The following HPS1 variants were observed in gnomAD, a reference collection of about 807,000 sequenced individuals.
HPS1 encodes the protein HPS1 biogenesis of lysosomal organelles complex 3 subunit 1, also known as BLOC-3 complex member HPS1.
HPS1 carries 59 observed loss-of-function variants against 90.6 expected under a neutral mutation model. That is an observed-to-expected ratio of 0.65 (90% confidence interval 0.53 to 0.81). The LOEUF (loss-of-function observed/expected upper bound fraction) is 0.81, where lower values mean the gene tolerates loss of function less well. Ranked by LOEUF, HPS1 falls within the 30% of genes least tolerant of loss-of-function variation. The probability of loss-of-function intolerance (pLI) is 0.00; values close to 1 mark genes in which losing one functional copy is unlikely to be tolerated. For synonymous variants in HPS1, 388 were observed against 384.4 expected (o/e 1.01, Z -0.11); for missense variants, 849 against 896.7 (o/e 0.95, Z 0.68).
intron 3 of HPS1, among the ~76,000 whole-genome samples, chr10:98,442,003 G>A (rs1938517307): frequency 6.6e-6 from 1 of 152,190 alleles, no homozygotes; most frequent in African/African-American, 2.4e-5. Flanking sequence ...AAGCATCCAT[G>A]TATACATAGA....
At position 98,435,759 on chromosome 10, in the gene HPS1, T is replaced by C. The variant is rs750384946; in HGVS notation, c.131A>G (p.Glu44Gly). ...ENEEEELPAL[E>G]DQLSTLLAPV... ...GGCTAGGAGGGTGCTGAGCTGGTCC[T>C]CCAGGGCAGGGAGCTGCAAAAATGG... Residue 44 changes from glutamate to glycine, a missense_variant, in exon 4 of 20, where the codon GAG (glutamate) becomes GGG (glycine). Transcript: ENST00000361490. This position sits in a 1 kb window ranked among gnomAD's most constrained non-coding sequence, Gnocchi z 4.3. The C allele has an allele frequency of 6.2e-7, 1 of 1,614,156 alleles. No individual in the cohort carries two copies. Among genetic ancestry groups the C allele is most frequent in the South Asian group, 1.1e-5 (1 of 91,076 alleles).
chr10:98,424,619 C>T (rs1368159277), intron 13 of HPS1, among the ~76,000 whole-genome samples: 1 of 152,098 alleles, frequency 6.6e-6, no homozygotes, highest in Non-Finnish European at 1.5e-5. Context: ...CTGACGGGCA[C>T]AGGCACACAT....
intron 17 of HPS1, 187 bp from the exon 18 acceptor site, chr10:98,420,345 C>CT: frequency 1.6e-6 from 1 of 625,376 alleles, no homozygotes; most frequent in Admixed American, 2.4e-5. Context: ...GATGGATGGA[C>CT]TACCCTCCAG....
At chr10:98,430,725 C>A (rs1846329612) in intron 7 of HPS1, 55 bp from the exon 8 acceptor site, 4 of 1,451,268 alleles carry the variant, frequency 2.8e-6, no homozygotes, top group Non-Finnish European at 3.8e-6. Context: ...GGAGACGGGG[C>A]AGGCAGGTTA....
At chr10:98,436,475 A>AT (rs532570798) in intron 3 of HPS1, among the ~76,000 whole-genome samples, 26 of 152,272 alleles carry the variant, frequency 1.7e-4, no homozygotes, top group African/African-American at 3.4e-4. Flanking sequence ...ATTAGGAGTG[A>AT]TTTTTTTCCC....
chr10:98,417,404 G>A lies in HPS1; in HGVS notation c.*160C>T. 5.0e-6 allele frequency: 3 copies of A among 601,668 alleles called. No homozygotes were observed. Among genetic ancestry groups the A allele is most frequent in the Non-Finnish European group, 8.8e-6 (3 of 342,638 alleles). 37.3% of individuals were successfully genotyped at this position (601,668 alleles called of 1,614,324 possible). On this transcript the variant is annotated 3_prime_UTR_variant, in exon 20 of 20. Transcript: ENST00000361490. The surrounding 1 kb of genome is among the most constrained non-coding windows in gnomAD (Gnocchi z 4.2). ...GCCTTGCTCAGTACCTGACATGGAG[G>A]GTGGTCTAGGTGGGGTTTTAGAAGC...
chr10:98,414,870 C>G, downstream of HPS1: 1 of 1,303,464 alleles, frequency 7.7e-7, no homozygotes, highest in Non-Finnish European at 1.0e-6. Flanking sequence ...GCAGCCCCTG[C>G]TAGCGTATAA....
chr10:98,442,119 A>T (rs1938538950), intron 3 of HPS1, among the ~76,000 whole-genome samples: 1 of 152,240 alleles, frequency 6.6e-6, no homozygotes, highest in Non-Finnish European at 1.5e-5. Context: ...TGGCATCCTG[A>T]TACAATAGAT....
chr10:98,426,851 A>G (rs1293972847), intron 11 of HPS1, among the ~76,000 whole-genome samples: 1 of 152,146 alleles, frequency 6.6e-6, no homozygotes, highest in Non-Finnish European at 1.5e-5. Context: ...CGGGATTAAG[A>G]GTAATTTTTA....
Position 98,416,582 on chromosome 10 carries a change from A to G in HPS1, c.*982T>C, listed in dbSNP as rs1739. ...TTTGAGCAAATTTTGGCTCAAGACT[A>G]AAGACACAGAAGGCGAGGCTCCTGC... On this transcript the variant is annotated 3_prime_UTR_variant, in exon 20 of 20. Transcript: ENST00000361490. 70,163 of 152,282 alleles carry G rather than the reference A, an allele frequency of 0.46. 18,087 individuals are homozygous for G. The highest frequency in any genetic ancestry group is 0.69 in the African/African-American group (28,523 of 41,500). The allele number at this position is 152,282 out of a possible 1,614,324, so 9.4% of individuals were successfully genotyped here. A position where few individuals can be genotyped will look rare whatever the true frequency, so the allele number is the denominator to read the frequency against.
rs1287018302 is a variant in HPS1, at chr10:98,433,218, C to T, written c.507+765G>A. 7.7e-4 allele frequency among the ~76,000 whole-genome samples: 108 copies of T among 139,936 alleles called. 1 individual carries two copies. Among genetic ancestry groups the T allele is most frequent in the African/African-American group, 2.6e-3 (95 of 36,660 alleles). The allele number at this position is 139,936 out of a possible 152,430, so 91.8% of individuals were successfully genotyped here. ...CTGCACTCCAGCCTGGGCAACAGAG[C>T]GAGACTCCATCTCAAAAAAAAAAAA... On this transcript the variant is annotated intron_variant, in intron 6 of 19. Coordinates refer to ENST00000361490, the MANE Select transcript of HPS1 (RefSeq NM_000195.5).
At position 98,435,653 on chromosome 10, in the gene HPS1, G is replaced by A. The variant is rs1339350962; in HGVS notation, c.237C>T (p.Phe79=). ...GACTCACCAGGTGAAGGACATACAG[G>A]AAGTTGCCATTTTCCGTGGAGAAGC... ...YTCFSTENGN[F]LYVLHLFGEC... is the part of the protein sequence containing the mutation. The change falls in exon 4 of 20, where the codon TTC becomes TTT. Residue 79 remains phenylalanine (F), a synonymous_variant. Transcript: ENST00000361490. The surrounding 1 kb of genome is among the most constrained non-coding windows in gnomAD (Gnocchi z 4.3). The A allele has an allele frequency of 2.5e-6, 4 of 1,614,212 alleles. No homozygotes were observed. The highest frequency in any genetic ancestry group is 2.2e-5 in the East Asian group (1 of 44,882).
At position 98,435,243 on chromosome 10, in the gene HPS1, G is replaced by A. The variant is rs1306520803; in HGVS notation, c.398+29C>T. On this transcript the variant is annotated intron_variant, in intron 5 of 19. Coordinates refer to ENST00000361490, the MANE Select transcript of HPS1 (RefSeq NM_000195.5). This position sits in a 1 kb window ranked among gnomAD's most constrained non-coding sequence, Gnocchi z 4.3. ...GGCCCAGCGAGGGTGCTCGGCAAAGGACAGAGGGGACCAGCTTTGAAGACT... is the reference window on the plus strand; with the variant it reads ...GGCCCAGCGAGGGTGCTCGGCAAAGAACAGAGGGGACCAGCTTTGAAGACT... 51 of 1,613,724 alleles carry A rather than the reference G, an allele frequency of 3.2e-5. No homozygotes were observed. Among genetic ancestry groups the A allele is most frequent in the Non-Finnish European group, 4.2e-5 (49 of 1,180,004 alleles).
At chr10:98,415,496 T>A (rs1163852870), downstream of HPS1, among the ~76,000 whole-genome samples, 1 of 152,176 alleles carries the variant, frequency 6.6e-6, no homozygotes, top group East Asian at 1.9e-4. Flanking sequence ...AGGGAATGAG[T>A]GGTGGAGGCA....
intron 1 of HPS1, among the ~76,000 whole-genome samples, chr10:98,446,375 A>G (rs986507218): frequency 6.6e-6 from 1 of 152,224 alleles, no homozygotes; most frequent in East Asian, 1.9e-4. Context: ...GAGGGGACTC[A>G]CTGACGAAAG....
At chr10:98,420,850 C>T (rs1223278757) in intron 17 of HPS1, among the ~76,000 whole-genome samples, 1 of 152,212 alleles carries the variant, frequency 6.6e-6, no homozygotes, top group Admixed American at 6.5e-5. Flanking sequence ...CTGGGGTCGC[C>T]CACTCACCTA....
downstream of HPS1, chr10:98,413,968 T>C (rs1843876621): frequency 6.6e-6 from 1 of 152,156 alleles, no homozygotes; most frequent in Non-Finnish European, 1.5e-5. Flanking sequence ...GAGTATTGTA[T>C]CTTTATTTGT....
chr10:98,423,987 G>A, intron 14 of HPS1, 100 bp from the exon 15 acceptor site: 2 of 1,497,454 alleles, frequency 1.3e-6, no homozygotes, highest in Non-Finnish European at 9.2e-7. Flanking sequence ...AGACAGACCT[G>A]GGGAGCCCTT....
At chr10:98,443,377 C>T (rs1938807805) in intron 2 of HPS1, 137 bp from the exon 3 acceptor site, 8 of 771,266 alleles carry the variant, frequency 1.0e-5, no homozygotes, top group Non-Finnish European at 4.7e-6. Flanking sequence ...AAGGGACTTC[C>T]ATTTTTGTTG....
Sources: gnomAD v4.1 joint callset for allele counts (sites outside exome capture counted in the v4.1 genomes callset) on GRCh38, gnomAD v4.1.1 for gene constraint, Gnocchi (gnomAD v3.1) non-coding constraint, MANE v1.5 for transcripts, NCBI Gene and HGNC (gene_info 2026-07-23, HGNC 2026-07-21) for gene names.